Variants in ZC3H7A observed in about 807,000 individuals in gnomAD.
ZC3H7A encodes zinc finger CCCH-type containing 7A.
ZC3H7A carries 44 observed loss-of-function variants against 125.5 expected under a neutral mutation model. That is an observed-to-expected ratio of 0.35 (90% CI 0.28 to 0.45). The LOEUF (loss-of-function observed/expected upper bound fraction) is 0.45, where lower values mean the gene tolerates loss of function less well. ZC3H7A is among the 20% of genes least tolerant of loss of function. The probability of loss-of-function intolerance (pLI) is 1.00; values close to 1 mark genes in which losing one functional copy is unlikely to be tolerated. For synonymous variants in ZC3H7A, 399 were observed against 391.2 expected, an observed-to-expected ratio of 1.02 and a Z score of -0.23; for missense variants, 977 against 1,170.7, an observed-to-expected ratio of 0.83 and a Z score of 2.41.
intron 3 of ZC3H7A, among the ~76,000 whole-genome samples, chr16:11,780,364 G>A (rs1049429249): frequency 3.3e-5 from 5 of 151,882 alleles, no homozygotes; most frequent in African/African-American, 7.3e-5. Flanking sequence ...CAAGTGATCC[G>A]CCTGCTTCAG....
intron 20 of ZC3H7A, among the ~76,000 whole-genome samples, chr16:11,757,483 CAAAAAAAAAAAAAAAAA>C (rs61471026): frequency 2.4e-5 from 1 of 40,980 alleles, no homozygotes; most frequent in African/African-American, 8.6e-5. Context: ...GACTCTGTCT[CAAAAAAAAAAAAAAAAA>C]AAAAAAAAAA....
rs1253263071 is a variant in ZC3H7A at position 11,780,020 on chromosome 16, CT to C, written c.109-658del. On this transcript the variant is annotated intron_variant, in intron 3 of 22. Coordinates refer to ENST00000355758, the MANE Select transcript of ZC3H7A (RefSeq NM_014153.4). ...GATTTGGGGGGAGGGGGATGTTAAA[CT>C]TTTTTCTTATCAAGTAAGTATACAC... Among the ~76,000 whole-genome samples, 5 of 151,908 alleles carry C rather than the reference CT, an allele frequency of 3.3e-5. No homozygotes were observed. The South Asian group carries it at 1.0e-3, about 32-fold the overall frequency.
chr16:11,779,277 C>A lies in ZC3H7A; in HGVS notation c.195G>T (p.Gln65His). The change falls in exon 4 of 23, where the codon CAG becomes CAT. Residue 65 changes from glutamine (Q) to histidine (H), a missense_variant. By Grantham distance (24) the Gln-to-His change is conservative. Coordinates refer to ENST00000355758, the MANE Select transcript of ZC3H7A (RefSeq NM_014153.4). ...CAGCTATATTCAAGGCTTCCGTGTACTGGCTTATCGAGTTGTTCCAATCAT... is the reference window on the plus strand; with the variant it reads ...CAGCTATATTCAAGGCTTCCGTGTAATGGCTTATCGAGTTGTTCCAATCAT... Reference protein sequence around the residue: ...REHDWNNSISQYTEALNIADY... With the variant: ...REHDWNNSISHYTEALNIADY... 6.2e-7 allele frequency: 1 copy of A among 1,614,058 alleles called. No individual in the cohort carries two copies. Among genetic ancestry groups the A allele is most frequent in the Non-Finnish European group, 8.5e-7 (1 of 1,180,004 alleles).
At chr16:11,777,710 C>G (rs11643019) in intron 4 of ZC3H7A, among the ~76,000 whole-genome samples, 13,173 of 148,220 alleles carry the variant, frequency 0.089, 720 homozygotes, top group Middle Eastern at 0.16. Context: ...AACAGAGTGA[C>G]ACTCCATCTC....
chr16:11,792,158 T>A (rs1268301162), intron 1 of ZC3H7A, among the ~76,000 whole-genome samples: 2 of 152,206 alleles, frequency 1.3e-5, no homozygotes, highest in African/African-American at 4.8e-5. Context: ...TCCACCCACC[T>A]TAGCCTCCCA....
chr16:11,768,658 C>T (rs1596387296), intron 11 of ZC3H7A, 157 bp from the exon 12 acceptor site: 2 of 711,202 alleles, frequency 2.8e-6, no homozygotes, highest in East Asian at 6.4e-5. Flanking sequence ...TAAAAACTGT[C>T]TCTTTCTACA....
chr16:11,750,657 A>G lies in ZC3H7A; in HGVS notation c.*660T>C, dbSNP rs1371441538. ...CATACACTAACACAATACCAACAGT[A>G]CAGGTTTAATCTTTCAAAATCATCA... is the stretch of plus-strand genomic sequence containing the variant. On this transcript the variant is annotated 3_prime_UTR_variant, in exon 23 of 23. Coordinates refer to ENST00000355758, the MANE Select transcript of ZC3H7A (RefSeq NM_014153.4). 2 of 152,672 alleles carry G rather than the reference A, an allele frequency of 1.3e-5. No individual in the cohort carries two copies. The highest frequency in any genetic ancestry group is 1.9e-4 in the East Asian group (1 of 5,202). 9.5% of individuals were successfully genotyped at this position (152,672 alleles called of 1,614,324 possible). A position where few individuals can be genotyped will look rare whatever the true frequency, so the allele number is the denominator to read the frequency against.
rs2141149333 is a variant in ZC3H7A, at chr16:11,752,291, T to C, written c.2726+378A>G. Among the ~76,000 whole-genome samples, 3 of 152,320 alleles carry C rather than the reference T, an allele frequency of 2.0e-5. No homozygotes were observed. In the South Asian group the frequency reaches 6.2e-4, roughly 32 times the overall value. On this transcript the variant is annotated intron_variant, in intron 22 of 22. Transcript: ENST00000355758. The stretch of plus-strand genomic sequence containing the variant: ...TGATCTAAGTTCTAGATTTTAAATA[T>C]AATGTAAAAGCCATTTCAAATCTGA...
At chr16:11,752,152 C>T (rs1040113964) in intron 22 of ZC3H7A, among the ~76,000 whole-genome samples, 8 of 151,850 alleles carry the variant, frequency 5.3e-5, no homozygotes, top group South Asian at 2.1e-4. Flanking sequence ...GTGACCCAAC[C>T]GCCTCAGCCT....
chr16:11,790,700 C>G (rs750573364), intron 1 of ZC3H7A, among the ~76,000 whole-genome samples: 1 of 151,908 alleles, frequency 6.6e-6, no homozygotes, highest in Non-Finnish European at 1.5e-5. Flanking sequence ...CCAAAACGCC[C>G]GGCTAATTTT....
chr16:11,781,665 T>TA (rs946515004), intron 2 of ZC3H7A, among the ~76,000 whole-genome samples: 22 of 150,328 alleles, frequency 1.5e-4, no homozygotes, highest in Admixed American at 1.3e-4. Flanking sequence ...TATATATATA[T>TA]ATATATATAC....
chr16:11,755,918 A>G (rs1298222157), intron 21 of ZC3H7A, among the ~76,000 whole-genome samples: 1 of 152,166 alleles, frequency 6.6e-6, no homozygotes, highest in Non-Finnish European at 1.5e-5. Flanking sequence ...TAATCCCAGC[A>G]CTTTGGGAGG....
rs559456885 is a variant in ZC3H7A, at chr16:11,788,553, A to G, written c.-34-6165T>C. Among the ~76,000 whole-genome samples, 17 of 149,760 alleles carry G rather than the reference A, an allele frequency of 1.1e-4. No homozygotes were observed. The East Asian group carries it at 3.4e-3, about 30-fold the overall frequency. On this transcript the variant is annotated intron_variant, in intron 1 of 22. Coordinates refer to ENST00000355758, the MANE Select transcript of ZC3H7A (RefSeq NM_014153.4). Reference sequence around the variant, plus strand: ...CGCCCGTTTGCCCTCCTGGAGGGCCACCAACCACTGTTACCAGTCTCAGAA... The same window carrying G: ...CGCCCGTTTGCCCTCCTGGAGGGCCGCCAACCACTGTTACCAGTCTCAGAA...
chr16:11,757,548 C>G lies in ZC3H7A; in HGVS notation c.2428+883G>C, dbSNP rs190625794. On this transcript the variant is annotated intron_variant, in intron 20 of 22. Coordinates refer to ENST00000355758, the MANE Select transcript of ZC3H7A (RefSeq NM_014153.4). ...GTTGAGAACCACTGTGCTAAAAACT[C>G]TGGTAATGAGGACCTGGTTAAAACT... Among the ~76,000 whole-genome samples, 174 of 148,706 alleles carry G rather than the reference C, an allele frequency of 1.2e-3. 1 individual carries two copies. Among genetic ancestry groups the G allele is most frequent in the Non-Finnish European group, 1.9e-3 (127 of 67,202 alleles).
chr16:11,775,039 T>A, intron 7 of ZC3H7A, 26 bp from the exon 8 acceptor site: 1 of 1,613,250 alleles, frequency 6.2e-7, no homozygotes, highest in Admixed American at 1.7e-5. Flanking sequence ...AACAATGGGT[T>A]ATAATATTTT....
intron 10 of ZC3H7A, 28 bp downstream of exon 10, chr16:11,770,755 T>C: frequency 1.9e-6 from 3 of 1,577,226 alleles, no homozygotes; most frequent in African/African-American, 1.4e-5. Flanking sequence ...TCAACTGCAA[T>C]TGTTTACAAT....
intron 1 of ZC3H7A, 81 bp from the exon 2 acceptor site, chr16:11,782,469 T>C (rs2053188206): frequency 2.6e-6 from 3 of 1,161,082 alleles, no homozygotes; most frequent in Non-Finnish European, 3.8e-6. Context: ...ATCCAGACCT[T>C]GTCACACAAT....
At chr16:11,791,805 G>GA (rs1468519149) in intron 1 of ZC3H7A, among the ~76,000 whole-genome samples, 6 of 152,114 alleles carry the variant, frequency 3.9e-5, no homozygotes, top group African/African-American at 1.4e-4. Context: ...GACAGCGACG[G>GA]AAAAAAACCT....
Position 11,751,134 on chromosome 16 carries a change from G to A in ZC3H7A, c.*183C>T, listed in dbSNP as rs2052546817. 3.6e-6 allele frequency: 2 copies of A among 554,680 alleles called. No individual in the cohort carries two copies. The highest frequency in any genetic ancestry group is 6.1e-6 in the Non-Finnish European group (2 of 325,756). 34.4% of individuals were successfully genotyped at this position (554,680 alleles called of 1,614,324 possible). A position where few individuals can be genotyped will look rare whatever the true frequency, so the allele number is the denominator to read the frequency against. On this transcript the variant is annotated 3_prime_UTR_variant, in exon 23 of 23. Coordinates refer to ENST00000355758, the MANE Select transcript of ZC3H7A (RefSeq NM_014153.4). ...TTCACCATCTGATGCCAGTGGTTCC[G>A]TGAGAGCGTGGCCAGGCCTGTGAAA...
Sources: gnomAD v4.1 joint callset for allele counts (sites outside exome capture counted in the v4.1 genomes callset) on GRCh38, gnomAD v4.1.1 for gene constraint, MANE v1.5 for transcripts, NCBI Gene and HGNC (gene_info 2026-07-23, HGNC 2026-07-21) for gene names.